The following SPAG17 variants were observed in gnomAD, a reference collection of about 807,000 sequenced individuals.
SPAG17 encodes the protein sperm-associated antigen 17.
Under a neutral mutation model 273.6 loss-of-function variants are expected in SPAG17, and 169 were observed. The ratio of observed to expected loss-of-function variants is 0.62; its 90% CI spans 0.55 to 0.70. The LOEUF (loss-of-function observed/expected upper bound fraction) is 0.70. SPAG17 is among the 30% of genes least tolerant of loss of function. The pLI is 0.00. For missense variants in SPAG17, 2,557 were observed against 2,627.8 expected, an observed-to-expected ratio of 0.97 and a Z score of 0.59; for synonymous variants, 825 against 873.2, an observed-to-expected ratio of 0.94 and a Z score of 0.97.
chr1:118,074,072 A>G (rs887363078), intron 16 of SPAG17, 105 bp from the exon 17 acceptor site: 2 of 706,128 alleles, frequency 2.8e-6, no homozygotes, highest in Admixed American at 5.6e-5. Flanking sequence ...CTAATTGGGG[A>G]AATCTGCATA....
chr1:117,981,948 G>T (rs1400389623), intron 42 of SPAG17, among the ~76,000 whole-genome samples: 1 of 152,184 alleles, frequency 6.6e-6, no homozygotes, highest in Non-Finnish European at 1.5e-5. Flanking sequence ...AGTCCTGGTT[G>T]CCTCAAGTAC....
At chr1:118,114,482 T>TTTC (rs1656951336) in intron 4 of SPAG17, among the ~76,000 whole-genome samples, 1 of 152,170 alleles carries the variant, frequency 6.6e-6, no homozygotes, top group African/African-American at 2.4e-5. Flanking sequence ...TTTTCTGTTT[T>TTTC]TTCTTCCGTG....
At chr1:118,170,329 C>T (rs1364555203) in intron 1 of SPAG17, among the ~76,000 whole-genome samples, 1 of 152,102 alleles carries the variant, frequency 6.6e-6, no homozygotes, top group Non-Finnish European at 1.5e-5. Flanking sequence ...GCAACTACTT[C>T]AAGACATTCT....
chr1:117,970,429 T>G (rs1448656419), intron 45 of SPAG17, among the ~76,000 whole-genome samples: 1 of 152,216 alleles, frequency 6.6e-6, no homozygotes, highest in African/African-American at 2.4e-5. Context: ...CATTTCAGCG[T>G]AGCTGCCAGC....
intron 46 of SPAG17, among the ~76,000 whole-genome samples, chr1:117,968,199 A>AT (rs776859062): frequency 2.5e-4 from 38 of 151,998 alleles, no homozygotes; most frequent in African/African-American, 7.0e-4. Flanking sequence ...TACAGATTAT[A>AT]TTTTTTTTGC....
At chr1:118,051,289 G>A (rs1328097436) in intron 20 of SPAG17, among the ~76,000 whole-genome samples, 1 of 152,082 alleles carries the variant, frequency 6.6e-6, no homozygotes, top group Non-Finnish European at 1.5e-5. Flanking sequence ...GTACACTGAT[G>A]ATGGGAATAT....
At chr1:118,064,202 G>C (rs1351149935) in intron 18 of SPAG17, among the ~76,000 whole-genome samples, 1 of 152,112 alleles carries the variant, frequency 6.6e-6, no homozygotes, top group Non-Finnish European at 1.5e-5. Flanking sequence ...TCTAGAACTA[G>C]AAATACCATT....
At chr1:118,123,260 A>G (rs557831540) in intron 3 of SPAG17, among the ~76,000 whole-genome samples, 1 of 152,132 alleles carries the variant, frequency 6.6e-6, no homozygotes, top group Non-Finnish European at 1.5e-5. Flanking sequence ...TTGATCCTGT[A>G]TGTGTCTAGT....
rs752879897 is a variant in SPAG17 at position 117,983,933 on chromosome 1, T to C, written c.5770-20A>G. The C allele has an allele frequency of 7.5e-7, 1 of 1,325,796 alleles. No individual in the cohort carries two copies. Among genetic ancestry groups the C allele is most frequent in the South Asian group, 1.2e-5 (1 of 82,940 alleles). 82.1% of individuals were successfully genotyped at this position (1,325,796 alleles called of 1,614,324 possible). A position where few individuals can be genotyped will look rare whatever the true frequency, so the allele number is the denominator to read the frequency against. On this transcript the variant is annotated intron_variant, in intron 41 of 48. Coordinates refer to ENST00000336338, the MANE Select transcript of SPAG17 (RefSeq NM_206996.4). ...ATTATACTGAAAGGAAAAAAAAACT[T>C]ATTTTAGACTTATACATGGCTGAAA...
At chr1:118,076,917 C>G (rs183350402) in intron 15 of SPAG17, among the ~76,000 whole-genome samples, 1 of 152,060 alleles carries the variant, frequency 6.6e-6, no homozygotes, top group Non-Finnish European at 1.5e-5. Flanking sequence ...TAAAAAAACA[C>G]CCAACAAGCA....
intron 1 of SPAG17, among the ~76,000 whole-genome samples, chr1:118,156,560 T>G (rs1196790731): frequency 6.6e-6 from 1 of 152,146 alleles, no homozygotes; most frequent in East Asian, 1.9e-4. Flanking sequence ...TTTCTCTGCT[T>G]AGACATATTT....
At chr1:118,151,177 AT>A in intron 2 of SPAG17, 51 bp downstream of exon 2, 1 of 1,411,640 alleles carries the variant, frequency 7.1e-7, no homozygotes, top group Middle Eastern at 1.9e-4. Context: ...CTATTCTATT[AT>A]TTTAAGTAAA....
intron 3 of SPAG17, among the ~76,000 whole-genome samples, chr1:118,149,118 T>C (rs1570783072): frequency 6.6e-6 from 1 of 152,174 alleles, no homozygotes; most frequent in African/African-American, 2.4e-5. Context: ...GAAGAGTGTA[T>C]GTGAGCGAGT....
intron 18 of SPAG17, 150 bp downstream of exon 18, chr1:118,066,595 G>A (rs79555112): frequency 3.4e-6 from 2 of 594,290 alleles, no homozygotes; most frequent in Non-Finnish European, 5.7e-6. Context: ...TCAATTTAGT[G>A]AGCTGAATTG....
At chr1:117,972,170 G>T in intron 44 of SPAG17, 123 bp from the exon 45 acceptor site, 1 of 830,468 alleles carries the variant, frequency 1.2e-6, no homozygotes, top group Non-Finnish European at 1.8e-6. Context: ...AATGTTTACA[G>T]TCTCATGTCA....
chr1:118,125,025 A>G (rs1570736504), intron 3 of SPAG17, among the ~76,000 whole-genome samples: 1 of 152,002 alleles, frequency 6.6e-6, no homozygotes, highest in Admixed American at 6.5e-5. Flanking sequence ...CCAGGTTTTT[A>G]TGTTTAAATA....
chr1:118,087,872 T>C (rs569604096), intron 10 of SPAG17, among the ~76,000 whole-genome samples: 285 of 152,314 alleles, frequency 1.9e-3, no homozygotes, highest in African/African-American at 6.7e-3. Context: ...CTGTGCACTA[T>C]AGGATGTTTA....
chr1:118,070,484 A>G (rs1044720112), intron 17 of SPAG17, among the ~76,000 whole-genome samples: 1 of 152,198 alleles, frequency 6.6e-6, no homozygotes, highest in African/African-American at 2.4e-5. Flanking sequence ...GGGTAACTAC[A>G]GATGGTAGAT....
chr1:117,989,541 G>A (rs1276269560), intron 38 of SPAG17, among the ~76,000 whole-genome samples: 1 of 151,690 alleles, frequency 6.6e-6, no homozygotes, highest in East Asian at 1.9e-4. Context: ...CTCCCATTAG[G>A]CCCCTCCTCC....
Sources: gnomAD v4.1 joint callset for allele counts (sites outside exome capture counted in the v4.1 genomes callset) on GRCh38, gnomAD v4.1.1 for gene constraint, MANE v1.5 for transcripts, NCBI Gene and HGNC (gene_info 2026-07-23, HGNC 2026-07-21) for gene names.